The following ADAMTS19 variants were observed in gnomAD, a reference collection of about 807,000 sequenced individuals.
ADAMTS19 encodes ADAM metallopeptidase with thrombospondin type 1 motif 19.
In ADAMTS19, 93 loss-of-function variants were observed where a neutral mutation model predicts 153.3. That is an observed-to-expected ratio of 0.61 (90% CI 0.51 to 0.72). The LOEUF is 0.72. Among genes scored for constraint, ADAMTS19 ranks in the 30% least tolerant of loss-of-function variants. ADAMTS19 has a pLI of 0.00. For missense variants in ADAMTS19, 1,482 were observed against 1,552.1 expected, an observed-to-expected ratio of 0.95 and a Z score of 0.76; for synonymous variants, 600 against 556.6, an observed-to-expected ratio of 1.08 and a Z score of -1.10.
At chr5:129,702,967 T>TATATATATATATATATATAC (rs1755978918) in intron 20 of ADAMTS19, among the ~76,000 whole-genome samples, 1 of 129,462 alleles carries the variant, frequency 7.7e-6, no homozygotes, top group Non-Finnish European at 1.6e-5. Context: ...TATATATATA[T>TATATATATATATATATATAC]ATATACAAAT....
At chr5:129,569,614 A>G (rs922546920) in intron 7 of ADAMTS19, among the ~76,000 whole-genome samples, 2 of 152,252 alleles carry the variant, frequency 1.3e-5, no homozygotes, top group East Asian at 3.9e-4. Flanking sequence ...TAAATCAAAC[A>G]AAGTATATTC....
At chr5:129,493,879 AC>A (rs1046955052) in intron 2 of ADAMTS19, among the ~76,000 whole-genome samples, 39 of 152,256 alleles carry the variant, frequency 2.6e-4, no homozygotes, top group Admixed American at 1.4e-3. Context: ...CTTTATGACA[AC>A]CAAGATGGAA....
intron 6 of ADAMTS19, among the ~76,000 whole-genome samples, chr5:129,531,344 G>A (rs1309297391): frequency 6.6e-6 from 1 of 152,140 alleles, no homozygotes; most frequent in Non-Finnish European, 1.5e-5. Context: ...ACAAATTGAG[G>A]CCAGGTGTGG....
At chr5:129,460,569 G>C in intron 1 of ADAMTS19, 87 bp downstream of exon 1, 1 of 1,455,662 alleles carries the variant, frequency 6.9e-7, no homozygotes, top group South Asian at 1.1e-5. Context: ...TGGTGCAACC[G>C]GTGCGTGGAG....
intron 6 of ADAMTS19, among the ~76,000 whole-genome samples, chr5:129,531,385 G>T (rs1156385292): frequency 6.6e-6 from 1 of 152,138 alleles, no homozygotes; most frequent in Non-Finnish European, 1.5e-5. Flanking sequence ...AGCACTTTGG[G>T]TGGCTGAGGT....
chr5:129,729,963 T>C (rs370234190), intron 21 of ADAMTS19, among the ~76,000 whole-genome samples: 7 of 152,124 alleles, frequency 4.6e-5, no homozygotes, highest in Admixed American at 1.3e-4. Context: ...CTAAGCCTTC[T>C]GTTATTCTTT....
rs369001463 is a variant in ADAMTS19, at chr5:129,659,732, C to T, written c.2425+995C>T. Among the ~76,000 whole-genome samples, 17 of 152,144 alleles carry T rather than the reference C, an allele frequency of 1.1e-4. No individual in the cohort carries two copies. The South Asian group carries it at 3.3e-3, about 30-fold the overall frequency. ...AGTAGCCGGGACTAGAGGCATGCACCACCATGCCCAGCTAATTTTTTTTTA... is the reference window on the plus strand; with the variant it reads ...AGTAGCCGGGACTAGAGGCATGCACTACCATGCCCAGCTAATTTTTTTTTA... On this transcript the variant is annotated intron_variant, in intron 15 of 22. Coordinates refer to ENST00000274487, the MANE Select transcript of ADAMTS19 (RefSeq NM_133638.6).
chr5:129,537,452 T>G, intron 6 of ADAMTS19, among the ~76,000 whole-genome samples: 1 of 152,190 alleles, frequency 6.6e-6, no homozygotes, highest in Non-Finnish European at 1.5e-5. Context: ...TTTTAAATCA[T>G]GCTGCTATAA....
At chr5:129,614,473 C>G (rs1183882626) in intron 8 of ADAMTS19, among the ~76,000 whole-genome samples, 1 of 151,996 alleles carries the variant, frequency 6.6e-6, no homozygotes, top group Non-Finnish European at 1.5e-5. Flanking sequence ...AGGCCTGTGA[C>G]AAAATTCAAC....
intron 7 of ADAMTS19, among the ~76,000 whole-genome samples, chr5:129,570,994 C>T (rs1392662157): frequency 1.3e-5 from 2 of 151,870 alleles, no homozygotes; most frequent in Non-Finnish European, 2.9e-5. Context: ...AAAACGAATG[C>T]TTTCTGACTC....
At chr5:129,720,102 A>G (rs1318449053) in intron 21 of ADAMTS19, among the ~76,000 whole-genome samples, 1 of 150,744 alleles carries the variant, frequency 6.6e-6, no homozygotes, top group African/African-American at 2.4e-5. Flanking sequence ...GCCAATCAGT[A>G]AGAGCTTCTA....
intron 10 of ADAMTS19, among the ~76,000 whole-genome samples, chr5:129,631,435 G>C (rs30699): frequency 0.16 from 24,836 of 151,626 alleles, 2,286 homozygotes; most frequent in East Asian, 0.31. Context: ...TGCTAAAGTG[G>C]GGAATTTAAA....
chr5:129,517,733 T>G (rs1349454362), intron 3 of ADAMTS19, among the ~76,000 whole-genome samples: 3 of 151,998 alleles, frequency 2.0e-5, no homozygotes, highest in African/African-American at 7.2e-5. Flanking sequence ...TTTTTTCATC[T>G]ATTTAGCCAT....
chr5:129,684,210 C>T lies in ADAMTS19; in HGVS notation c.2755C>T (p.Pro919Ser), dbSNP rs1305534749. Residue 919 changes from proline to serine, a missense_variant, in exon 18 of 23, where the codon CCT (proline) becomes TCT (serine). Physicochemically the swap from Pro to Ser is moderately conservative, Grantham distance 74 (BLOSUM62 -1). Coordinates refer to ENST00000274487, the MANE Select transcript of ADAMTS19 (RefSeq NM_133638.6). ...TCCAGAAAACCAGAGCTCTAAAGCA[C>T]CTGAGCCCCTCTTCATGTGGACACA... ...PLPENQSSKA[P>S]EPLFMWTHTS... 6.8e-6 allele frequency: 11 copies of T among 1,614,026 alleles called. No individual in the cohort carries two copies. Among genetic ancestry groups the T allele is most frequent in the African/African-American group, 1.3e-5 (1 of 74,892 alleles).
At chr5:129,649,226 G>C (rs1460784007) in intron 13 of ADAMTS19, among the ~76,000 whole-genome samples, 1 of 152,184 alleles carries the variant, frequency 6.6e-6, no homozygotes, top group African/African-American at 2.4e-5. Context: ...GTGAGGATAA[G>C]GAGAAACTGG....
intron 21 of ADAMTS19, among the ~76,000 whole-genome samples, chr5:129,723,191 T>C (rs1437721968): frequency 6.6e-6 from 1 of 152,216 alleles, no homozygotes; most frequent in African/African-American, 2.4e-5. Flanking sequence ...AGAAAAAATA[T>C]AAACATCTGA....
intron 8 of ADAMTS19, among the ~76,000 whole-genome samples, chr5:129,618,065 G>A (rs1751609657): frequency 6.6e-6 from 1 of 151,872 alleles, no homozygotes; most frequent in Non-Finnish European, 1.5e-5. Context: ...AGGCAACTGA[G>A]GCAGGTTTAT....
intron 21 of ADAMTS19, among the ~76,000 whole-genome samples, chr5:129,724,671 G>A (rs1027775681): frequency 3.9e-5 from 6 of 152,244 alleles, no homozygotes; most frequent in East Asian, 1.9e-4. Context: ...ACTCTCTTTC[G>A]TAGAAAGAGA....
chr5:129,674,067 C>T (rs186615369), intron 16 of ADAMTS19, among the ~76,000 whole-genome samples: 140 of 152,116 alleles, frequency 9.2e-4, no homozygotes, highest in African/African-American at 3.2e-3. Context: ...CCTGTCTCTA[C>T]TACAAATACA....
Sources: allele counts gnomAD v4.1 joint callset (sites outside exome capture counted in the v4.1 genomes callset), GRCh38; gene constraint gnomAD v4.1.1; transcripts MANE v1.5; gene names NCBI Gene and HGNC (gene_info 2026-07-23, HGNC 2026-07-21).